The following ADAMTSL1 variants were observed in gnomAD, a reference collection of about 807,000 sequenced individuals.
The protein encoded by ADAMTSL1 is ADAMTS-like protein 1.
In ADAMTSL1, 126 loss-of-function variants were observed where a neutral mutation model predicts 201.8. The observed-to-expected ratio is 0.62, with a 90% CI of 0.54 to 0.72. ADAMTSL1 has a LOEUF of 0.72. Among genes scored for constraint, ADAMTSL1 ranks in the 30% least tolerant of loss-of-function variants. The probability of loss-of-function intolerance (pLI) is 0.00; values close to 1 mark genes in which losing one functional copy is unlikely to be tolerated. For synonymous variants in ADAMTSL1, 1,121 were observed against 903.4 expected, an observed-to-expected ratio of 1.24 and a Z score of -4.32; for missense variants, 2,679 against 2,277.8, an observed-to-expected ratio of 1.18 and a Z score of -3.59.
intron 1 of ADAMTSL1, among the ~76,000 whole-genome samples, chr9:18,037,862 G>C (rs942705827): frequency 6.6e-6 from 1 of 152,110 alleles, no homozygotes; most frequent in South Asian, 2.1e-4. Context: ...AAAACAAATG[G>C]TGCGCAATTA....
intron 2 of ADAMTSL1, among the ~76,000 whole-genome samples, chr9:18,283,666 A>G (rs1411766754): frequency 6.7e-6 from 1 of 148,806 alleles, no homozygotes; most frequent in African/African-American, 2.5e-5. Flanking sequence ...TAATCCTAGC[A>G]CTTTGGGAGA....
chr9:18,349,568 G>A (rs1835871941), intron 2 of ADAMTSL1, among the ~76,000 whole-genome samples: 1 of 152,180 alleles, frequency 6.6e-6, no homozygotes, highest in South Asian at 2.1e-4. Context: ...ATGCAATTGT[G>A]TGGCATATAA....
intron 1 of ADAMTSL1, among the ~76,000 whole-genome samples, chr9:18,477,161 A>G (rs1821493734): frequency 6.6e-6 from 1 of 152,168 alleles, no homozygotes; most frequent in African/African-American, 2.4e-5. Context: ...TGTTTAGCTC[A>G]AAAAGAATGT....
chr9:18,134,513 T>C (rs902311830), intron 1 of ADAMTSL1, among the ~76,000 whole-genome samples: 4 of 152,190 alleles, frequency 2.6e-5, no homozygotes, highest in Non-Finnish European at 5.9e-5. Context: ...AGTGCAGTTA[T>C]ATAATTTGTT....
At chr9:17,913,214 T>C (rs1040257071) in intron 1 of ADAMTSL1, among the ~76,000 whole-genome samples, 1 of 152,136 alleles carries the variant, frequency 6.6e-6, no homozygotes, top group Non-Finnish European at 1.5e-5. Flanking sequence ...TTAAAGTAGT[T>C]TTTTCCAATT....
intron 2 of ADAMTSL1, among the ~76,000 whole-genome samples, chr9:18,332,169 C>T: frequency 6.6e-6 from 1 of 152,158 alleles, no homozygotes; most frequent in East Asian, 1.9e-4. Flanking sequence ...CTACAAAAGG[C>T]ACACTCCTCA....
chr9:18,836,582 C>A (rs935340235), intron 23 of ADAMTSL1, among the ~76,000 whole-genome samples: 1 of 152,072 alleles, frequency 6.6e-6, no homozygotes. Context: ...GCTATTCAGG[C>A]TCTTTTTTGG....
At position 18,081,052 on chromosome 9, in the gene ADAMTSL1, T is replaced by G. The variant is rs117270526; in HGVS notation, c.88-82810T>G. 2.0e-4 allele frequency among the ~76,000 whole-genome samples: 30 copies of G among 152,358 alleles called. No individual in the cohort carries two copies. The East Asian group carries it at 5.8e-3, about 29-fold the overall frequency. ...TCTAGTTGTACCTTACTTATAAAGATGACTTGATATCTTGAACTGATCATT... is the reference window on the plus strand; with the variant it reads ...TCTAGTTGTACCTTACTTATAAAGAGGACTTGATATCTTGAACTGATCATT... On this transcript the variant is annotated intron_variant, in intron 1 of 29. Coordinates refer to the ADAMTSL1 transcript ENST00000680146.
At chr9:18,624,354 G>A (rs796537403) in intron 5 of ADAMTSL1, among the ~76,000 whole-genome samples, 7 of 152,206 alleles carry the variant, frequency 4.6e-5, no homozygotes, top group African/African-American at 1.4e-4. Flanking sequence ...AATGGATAGA[G>A]GCATAATTCT....
chr9:18,032,309 C>A (rs1161752676), intron 1 of ADAMTSL1, among the ~76,000 whole-genome samples: 5 of 152,228 alleles, frequency 3.3e-5, no homozygotes. Flanking sequence ...CAATACCCCT[C>A]AGGGTAGTGT....
chr9:18,126,654 A>G (rs1207481412), intron 1 of ADAMTSL1, among the ~76,000 whole-genome samples: 2 of 152,178 alleles, frequency 1.3e-5, no homozygotes, highest in Non-Finnish European at 2.9e-5. Flanking sequence ...TATTATTATA[A>G]TACTTTGGAA....
At chr9:18,279,565 C>G (rs994795204) in intron 2 of ADAMTSL1, among the ~76,000 whole-genome samples, 1 of 151,020 alleles carries the variant, frequency 6.6e-6, no homozygotes, top group Non-Finnish European at 1.5e-5. Context: ...CAGGGAAAAC[C>G]CTTCACCAAT....
rs552846576 is a variant in ADAMTSL1 at position 18,838,151 on chromosome 9, T to C, written c.4249+8174T>C. On this transcript the variant is annotated intron_variant, in intron 23 of 28. Coordinates refer to ENST00000380548, the MANE Select transcript of ADAMTSL1 (RefSeq NM_001040272.6). ...AGCAAGTCACGTCTTACATGGATGG[T>C]GGCAGGCAAAGAGAGAGCTTATGCA... 3.0e-4 allele frequency among the ~76,000 whole-genome samples: 45 copies of C among 152,086 alleles called. 1 individual carries two copies. The East Asian group carries it at 6.8e-3, about 23-fold the overall frequency.
intron 1 of ADAMTSL1, among the ~76,000 whole-genome samples, chr9:18,118,308 A>G (rs1825346236): frequency 6.6e-6 from 1 of 152,216 alleles, no homozygotes; most frequent in Admixed American, 6.5e-5. Context: ...TGTATGGAAA[A>G]GGAGGATCCA....
At chr9:17,933,876 TG>T (rs2131326038) in intron 1 of ADAMTSL1, among the ~76,000 whole-genome samples, 1 of 152,262 alleles carries the variant, frequency 6.6e-6, no homozygotes, top group South Asian at 2.1e-4. Flanking sequence ...GAGATTTTGG[TG>T]GGGACACAAA....
At chr9:18,458,445 G>T (rs759010480) in intron 2 of ADAMTSL1, among the ~76,000 whole-genome samples, 1 of 152,132 alleles carries the variant, frequency 6.6e-6, no homozygotes, top group African/African-American at 2.4e-5. Context: ...GCCCACAGTT[G>T]AAAAATAATG....
chr9:18,233,552 G>C (rs1830727432), intron 2 of ADAMTSL1, among the ~76,000 whole-genome samples: 1 of 152,142 alleles, frequency 6.6e-6, no homozygotes, highest in Non-Finnish European at 1.5e-5. Context: ...GGTCGTATCA[G>C]TAAGCAAGGA....
intron 2 of ADAMTSL1, among the ~76,000 whole-genome samples, chr9:18,226,005 A>G (rs942160535): frequency 2.0e-5 from 3 of 151,946 alleles, no homozygotes; most frequent in African/African-American, 7.3e-5. Flanking sequence ...GTTTTTGAGG[A>G]AAGTTTTATA....
intron 19 of ADAMTSL1, among the ~76,000 whole-genome samples, chr9:18,778,230 C>G (rs558742243): frequency 6.6e-6 from 1 of 152,356 alleles, no homozygotes; most frequent in East Asian, 1.9e-4. Flanking sequence ...AGACATCATT[C>G]CAGGCCAAGG....
Sources: allele counts gnomAD v4.1 joint callset (sites outside exome capture counted in the v4.1 genomes callset), GRCh38; gene constraint gnomAD v4.1.1; transcripts MANE v1.5; gene names NCBI Gene and HGNC (gene_info 2026-07-23, HGNC 2026-07-21).